The following SKIDA1 variants were observed in gnomAD, a reference collection of about 807,000 sequenced individuals.
SKIDA1 encodes the protein SKI/DACH domain-containing protein 1.
SKIDA1 carries 18 observed loss-of-function variants against 51.4 expected under a neutral mutation model. The observed-to-expected ratio is 0.35, with a 90% CI of 0.24 to 0.52. SKIDA1 has a LOEUF of 0.52. SKIDA1 is among the 20% of genes least tolerant of loss of function. The pLI is 0.95. For missense variants in SKIDA1, 1,104 were observed against 1,180.6 expected, an observed-to-expected ratio of 0.94 and a Z score of 0.95; for synonymous variants, 579 against 500.5, an observed-to-expected ratio of 1.16 and a Z score of -2.09.
chr10:21,516,036 C>A lies in SKIDA1; in HGVS notation c.1787G>T (p.Arg596Leu). The A allele has an allele frequency of 6.2e-7, 1 of 1,614,010 alleles. No individual in the cohort carries two copies. Among genetic ancestry groups the A allele is most frequent in the South Asian group, 1.1e-5 (1 of 91,082 alleles). The change falls in exon 4 of 4, where the codon CGA becomes CTA. Residue 596 changes from arginine to leucine, a missense_variant. By Grantham distance (102) the Arg-to-Leu change is moderately radical (BLOSUM62 -2). This residue lies in a region of SKIDA1 where 938 missense variants were observed against 886.4 expected (regional missense o/e 1.06). Transcript: ENST00000449193. The surrounding 1 kb of genome is among the most constrained non-coding windows in gnomAD (Gnocchi z 5.7). ...NNAFPQQRIL[R>L]EARKCLQTTP... ...TGTTTGTAGGCATTTCCTAGCCTCT[C>A]GGAGTATTCTTTGTTGTGGAAATGC...
chr10:21,517,965 G>T lies in SKIDA1; in HGVS notation c.-143C>A. 1.3e-6 allele frequency: 1 copy of T among 755,268 alleles called. No individual in the cohort carries two copies. Among genetic ancestry groups the T allele is most frequent in the Non-Finnish European group, 1.9e-6 (1 of 514,690 alleles). The allele number at this position is 755,268 out of a possible 1,614,324, so 46.8% of individuals were successfully genotyped here. On this transcript the variant is annotated 5_prime_UTR_variant, in exon 4 of 4. Coordinates refer to ENST00000449193, the MANE Select transcript of SKIDA1 (RefSeq NM_207371.4). This position sits in a 1 kb window ranked among gnomAD's most constrained non-coding sequence, Gnocchi z 6.9. ...TAAAATAACAAAGACTGTTATTCCC[G>T]GCGAAGGAAGTGCCAAACTCTAGGC...
intron 2 of SKIDA1, 94 bp downstream of exon 2, chr10:21,523,589 C>T (rs1312489643): frequency 6.6e-6 from 1 of 152,206 alleles, no homozygotes; most frequent in East Asian, 1.9e-4. Flanking sequence ...TATCCAGAAC[C>T]ACAATTTGTT....
chr10:21,514,930 A>C lies in SKIDA1; in HGVS notation c.*166T>G, dbSNP rs973053436. 2.9e-5 allele frequency: 23 copies of C among 792,280 alleles called. No homozygotes were observed. Among genetic ancestry groups the C allele is most frequent in the Non-Finnish European group, 3.6e-5 (22 of 610,590 alleles). The allele number at this position is 792,280 out of a possible 1,614,324, so 49.1% of individuals were successfully genotyped here. ...CCCACCCTACTCCAGAAAAAAAAAA[A>C]AAAACCCGCAACGGAAAAAAAGTAA... is the stretch of plus-strand genomic sequence containing the variant. On this transcript the variant is annotated 3_prime_UTR_variant, in exon 4 of 4. Coordinates refer to ENST00000449193, the MANE Select transcript of SKIDA1 (RefSeq NM_207371.4).
Position 21,515,624 on chromosome 10 carries a change from T to C in SKIDA1, c.2199A>G (p.Thr733=), listed in dbSNP as rs571182427. 2 of 1,614,052 alleles carry C rather than the reference T, an allele frequency of 1.2e-6. No homozygotes were observed. The highest frequency in any genetic ancestry group is 1.3e-5 in the African/African-American group (1 of 75,068). Residue 733 remains threonine (T), a synonymous_variant, in exon 4 of 4, where the codon ACA becomes ACG. Coordinates refer to ENST00000449193, the MANE Select transcript of SKIDA1 (RefSeq NM_207371.4). ...CAGGGCATGCAAAACCTTCCTTGGC[T>C]GTGGTTAACAAGGCGTCCTCCTCTT... ...ESKEEDALLT[T]AKEGFACPEK...
At chr10:21,520,592 CT>C (rs759003562) in intron 3 of SKIDA1, among the ~76,000 whole-genome samples, 194 of 140,226 alleles carry the variant, frequency 1.4e-3, no homozygotes, top group East Asian at 2.7e-3. Flanking sequence ...CTAGAGCATC[CT>C]TTTTTTTTTT....
At position 21,517,154 on chromosome 10, in the gene SKIDA1, C is replaced by T; in HGVS notation, c.669G>A (p.Pro223=). ...YFRSLLCSKH[P]AAAAAAAAAA... ...CGGCGGCGGCGGCGGCGGCGGCTGC[C>T]GGGTGTTTGCTGCACAGCAGGCTCC... The change falls in exon 4 of 4, where the codon CCG becomes CCA. Residue 223 remains proline, a synonymous_variant. Transcript: ENST00000449193. The surrounding 1 kb of genome is among the most constrained non-coding windows in gnomAD (Gnocchi z 6.9). The T allele has an allele frequency of 7.8e-7, 1 of 1,275,456 alleles. No homozygotes were observed. Among genetic ancestry groups the T allele is most frequent in the South Asian group, 2.8e-5 (1 of 35,802 alleles). 79.0% of individuals were successfully genotyped at this position (1,275,456 alleles called of 1,614,324 possible). A position where few individuals can be genotyped will look rare whatever the true frequency, so the allele number is the denominator to read the frequency against.
rs139656579 is a variant in SKIDA1, at chr10:21,520,646, C to CCTCT, written c.-1837+739_-1837+742dup. On this transcript the variant is annotated intron_variant, in intron 3 of 3. Transcript: ENST00000449193. ...TTGTTCTCCATTCCTGTTTATATTTCCTCTCTCTCTCTCTCTCTCCTAGTC... is the reference window on the plus strand; with the variant it reads ...TTGTTCTCCATTCCTGTTTATATTTCCTCTCTCTCTCTCTCTCTCTCTCCTAGTC... Among the ~76,000 whole-genome samples, 796 of 142,538 alleles carry CCTCT rather than the reference C, an allele frequency of 5.6e-3. 10 individuals are homozygous for CCTCT. Among genetic ancestry groups the CCTCT allele is most frequent in the African/African-American group, 0.02 (749 of 38,110 alleles). 93.5% of individuals were successfully genotyped at this position (142,538 alleles called of 152,430 possible).
At chr10:21,521,057 TGC>T (rs2032379492) in intron 3 of SKIDA1, among the ~76,000 whole-genome samples, 1 of 34,148 alleles carries the variant, frequency 2.9e-5, no homozygotes, top group African/African-American at 9.9e-5. Flanking sequence ...AATGAGTGCA[TGC>T]ACACACACAC....
chr10:21,514,793 T>G lies in SKIDA1; in HGVS notation c.*303A>C, dbSNP rs1431098076. 4.2e-6 allele frequency: 1 copy of G among 240,250 alleles called. No individual in the cohort carries two copies. Among genetic ancestry groups the G allele is most frequent in the Admixed American group, 5.1e-5 (1 of 19,672 alleles). 14.9% of individuals were successfully genotyped at this position (240,250 alleles called of 1,614,324 possible). ...TTGAATTGAGGTACCGGGTGCATTATTAGCATCGAAACAGTAAAGTGTTCC... is the reference window on the plus strand; with the variant it reads ...TTGAATTGAGGTACCGGGTGCATTAGTAGCATCGAAACAGTAAAGTGTTCC... On this transcript the variant is annotated 3_prime_UTR_variant, in exon 4 of 4. Coordinates refer to ENST00000449193, the MANE Select transcript of SKIDA1 (RefSeq NM_207371.4).
chr10:21,522,231 CCCATACA>C (rs2032416191), intron 2 of SKIDA1, among the ~76,000 whole-genome samples: 1 of 136,844 alleles, frequency 7.3e-6, no homozygotes, highest in South Asian at 2.4e-4. Flanking sequence ...CAAGCTTTCA[CCCATACA>C]TACATAATTT....
chr10:21,516,179 A>G lies in SKIDA1; in HGVS notation c.1644T>C (p.Asp548=). 6.2e-7 allele frequency: 1 copy of G among 1,614,020 alleles called. No individual in the cohort carries two copies. Among genetic ancestry groups the G allele is most frequent in the Non-Finnish European group, 8.5e-7 (1 of 1,179,910 alleles). ...LGSCFAEIRN[D]RVSEITFPHS... ...GTGGGAATGTAATCTCAGATACCCT[A>G]TCGTTCCTTATCTCAGCGAAACAAC... The change falls in exon 4 of 4, where the codon GAT becomes GAC. Residue 548 remains aspartate, a synonymous_variant. Coordinates refer to ENST00000449193, the MANE Select transcript of SKIDA1 (RefSeq NM_207371.4). The surrounding 1 kb of genome is among the most constrained non-coding windows in gnomAD (Gnocchi z 5.7).
intron 3 of SKIDA1, among the ~76,000 whole-genome samples, chr10:21,520,066 C>T (rs534871254): frequency 1.8e-4 from 27 of 152,312 alleles, no homozygotes; most frequent in Non-Finnish European, 3.5e-4. Flanking sequence ...CTAGTTCTTG[C>T]CTTTGAAATC....
rs2032287776 is a variant in SKIDA1 at position 21,517,811 on chromosome 10, C to T, written c.12G>A (p.Leu4=). Residue 4 remains leucine, a synonymous_variant, in exon 4 of 4, where the codon CTG becomes CTA. Coordinates refer to ENST00000449193, the MANE Select transcript of SKIDA1 (RefSeq NM_207371.4). The surrounding 1 kb of genome is among the most constrained non-coding windows in gnomAD (Gnocchi z 6.9). The stretch of plus-strand genomic sequence containing the variant: ...CATCCACCTCTTCAAAACCTGACTT[C>T]AGGTCTCCCATCTCGGGCACTAAAT... MGD[L]KSGFEEVDGV... 1.2e-6 allele frequency: 2 copies of T among 1,605,384 alleles called. No individual in the cohort carries two copies. Among genetic ancestry groups the T allele is most frequent in the Non-Finnish European group, 1.7e-6 (2 of 1,173,132 alleles).
At chr10:21,524,505 G>T (rs931612393) in intron 1 of SKIDA1, among the ~76,000 whole-genome samples, 1 of 141,306 alleles carries the variant, frequency 7.1e-6, no homozygotes, top group Non-Finnish European at 1.5e-5. Context: ...CTTTCCTTTT[G>T]AAAGTTTAGA....
At chr10:21,521,058 G>GCACACACACACACACGCACACACACA (rs1554772012) in intron 3 of SKIDA1, among the ~76,000 whole-genome samples, 2 of 146,660 alleles carry the variant, frequency 1.4e-5, no homozygotes, top group Non-Finnish European at 3.0e-5. Flanking sequence ...ATGAGTGCAT[G>GCACACACACACACACGCACACACACA]CACACACACA....
In SKIDA1 at chr10:21,517,197, G is replaced by C; in HGVS notation, c.626C>G (p.Ser209Trp). The C allele has an allele frequency of 6.9e-7, 1 of 1,447,166 alleles. No individual in the cohort carries two copies. Among genetic ancestry groups the C allele is most frequent in the African/African-American group, 1.5e-5 (1 of 67,492 alleles). The allele number at this position is 1,447,166 out of a possible 1,614,324, so 89.6% of individuals were successfully genotyped here. A position where few individuals can be genotyped will look rare whatever the true frequency, so the allele number is the denominator to read the frequency against. ...CAGGCTCCGAAAATAAGCAGGGTCC[G>C]AGGGGAAGGCGACGTAGTTTCCCTG... ...PLQGNYVAFPSDPAYFRSLLC... is the reference protein window; with the variant it reads ...PLQGNYVAFPWDPAYFRSLLC... Residue 209 changes from serine (S) to tryptophan (W), a missense_variant, in exon 4 of 4, where the codon TCG becomes TGG. Physicochemically the swap from Ser to Trp is radical, Grantham distance 177. Transcript: ENST00000449193. The surrounding 1 kb of genome is among the most constrained non-coding windows in gnomAD (Gnocchi z 6.9).
Position 21,513,829 on chromosome 10 carries a change from T to C in SKIDA1, c.*1267A>G, listed in dbSNP as rs1038472492. Reference sequence around the variant, plus strand: ...AAACTGTTATTTTTCATTTGGGGTATTGCAACTCTGACCCCTCATTTTCTT... The same window carrying C: ...AAACTGTTATTTTTCATTTGGGGTACTGCAACTCTGACCCCTCATTTTCTT... On this transcript the variant is annotated 3_prime_UTR_variant, in exon 4 of 4. Transcript: ENST00000449193. The C allele has an allele frequency of 6.6e-6, 1 of 152,226 alleles. No individual in the cohort carries two copies. The allele number at this position is 152,226 out of a possible 1,614,324, so 9.4% of individuals were successfully genotyped here. A position where few individuals can be genotyped will look rare whatever the true frequency, so the allele number is the denominator to read the frequency against.
chr10:21,516,720 G>A lies in SKIDA1; in HGVS notation c.1103C>T (p.Pro368Leu), dbSNP rs1468251467. 2 of 1,550,876 alleles carry A rather than the reference G, an allele frequency of 1.3e-6. No homozygotes were observed. The highest frequency in any genetic ancestry group is 4.9e-5 in the East Asian group (2 of 40,898). ...QSHHPPHHHRPQPHLGSFPES... is the reference protein window; with the variant it reads ...QSHHPPHHHRLQPHLGSFPES... Reference sequence around the variant, plus strand: ...GGGAAAGCTGCCCAGATGGGGCTGCGGCCGGTGGTGGTGAGGGGGGTGGTG... The same window carrying A: ...GGGAAAGCTGCCCAGATGGGGCTGCAGCCGGTGGTGGTGAGGGGGGTGGTG... Residue 368 changes from proline to leucine, a missense_variant, in exon 4 of 4, where the codon CCG (proline) becomes CTG (leucine). This residue lies in a region of SKIDA1 where 938 missense variants were observed against 886.4 expected (regional missense o/e 1.06). Coordinates refer to ENST00000449193, the MANE Select transcript of SKIDA1 (RefSeq NM_207371.4). The surrounding 1 kb of genome is among the most constrained non-coding windows in gnomAD (Gnocchi z 5.7).
chr10:21,518,737 C>G lies in SKIDA1; in HGVS notation c.-915G>C, dbSNP rs2032312869. The G allele has an allele frequency of 6.0e-6, 1 of 166,912 alleles. No individual in the cohort carries two copies. The highest frequency in any genetic ancestry group is 6.5e-5 in the Admixed American group (1 of 15,280). 10.3% of individuals were successfully genotyped at this position (166,912 alleles called of 1,614,324 possible). A position where few individuals can be genotyped will look rare whatever the true frequency, so the allele number is the denominator to read the frequency against. ...CTTAAGGGAAAATGTGCAGAATAGC[C>G]TGGTATTTCCCTTACAGGAGTGGGG... On this transcript the variant is annotated 5_prime_UTR_variant, in exon 4 of 4. Coordinates refer to ENST00000449193, the MANE Select transcript of SKIDA1 (RefSeq NM_207371.4).
Sources: allele counts gnomAD v4.1 joint callset (sites outside exome capture counted in the v4.1 genomes callset), GRCh38; gene constraint gnomAD v4.1.1; regional missense constraint gnomAD v4.1.1; non-coding constraint Gnocchi (gnomAD v3.1); transcripts MANE v1.5; gene names NCBI Gene and HGNC (gene_info 2026-07-23, HGNC 2026-07-21).